The following BYSL variants were observed in gnomAD, a reference collection of about 807,000 sequenced individuals.
BYSL encodes the protein bystin like.
Under a neutral mutation model 45.4 loss-of-function variants are expected in BYSL, and 21 were observed. The ratio of observed to expected loss-of-function variants is 0.46; its 90% CI spans 0.33 to 0.67. BYSL has a LOEUF of 0.67. BYSL is among the 30% of genes least tolerant of loss of function. The pLI, the probability that BYSL is intolerant of heterozygous loss-of-function variation, is 0.02. For missense variants in BYSL, 522 were observed against 578.5 expected (o/e 0.90, Z 1.00); for synonymous variants, 215 against 231.3 (o/e 0.93, Z 0.64).
At chr6:41,927,257 A>G in intron 1 of BYSL, 117 bp from the exon 2 acceptor site, 1 of 1,275,866 alleles carries the variant, frequency 7.8e-7, no homozygotes, top group Non-Finnish European at 1.1e-6. Context: ...CACTGCACAT[A>G]CCTGCGTCTA....
At chr6:41,911,908 G>A in the BYSL span, among the ~76,000 whole-genome samples, 6 of 152,116 alleles carry the variant, frequency 3.9e-5, no homozygotes, top group Non-Finnish European at 8.8e-5. Context: ...TCTACTCACT[G>A]TAATTGCATA....
At chr6:41,919,065 C>G (rs1192185045), upstream of BYSL, among the ~76,000 whole-genome samples, 6 of 141,074 alleles carry the variant, frequency 4.3e-5, no homozygotes, top group Admixed American at 7.7e-5. Context: ...GGAGGCGGAG[C>G]TTGCAGTGAG....
the BYSL span, among the ~76,000 whole-genome samples, chr6:41,910,907 G>A: frequency 6.6e-6 from 1 of 151,592 alleles, no homozygotes; most frequent in African/African-American, 2.4e-5. Flanking sequence ...TCAGGAGTTC[G>A]AGACCAGCCT....
chr6:41,920,362 G>A (rs1203757965), upstream of BYSL, among the ~76,000 whole-genome samples: 1 of 152,074 alleles, frequency 6.6e-6, no homozygotes, highest in Non-Finnish European at 1.5e-5. Context: ...GGAAGAGCAG[G>A]CGAAAATCTT....
chr6:41,910,445 A>G, the BYSL span, among the ~76,000 whole-genome samples: 1 of 151,698 alleles, frequency 6.6e-6, no homozygotes, highest in Non-Finnish European at 1.5e-5. Context: ...CGGCCTGATC[A>G]ACATGGTGAA....
At chr6:41,912,760 G>A in the BYSL span, among the ~76,000 whole-genome samples, 1 of 152,138 alleles carries the variant, frequency 6.6e-6, no homozygotes, top group Non-Finnish European at 1.5e-5. Context: ...TGAGGAAAAT[G>A]AAGCCAATTG....
intron 2 of BYSL, among the ~76,000 whole-genome samples, 163 bp from the exon 3 acceptor site, chr6:41,929,969 G>A (rs1368269533): frequency 6.6e-6 from 1 of 152,232 alleles, no homozygotes; most frequent in Non-Finnish European, 1.5e-5. Context: ...TCTGTCTGTG[G>A]TGGATGAATG....
intron 1 of BYSL, among the ~76,000 whole-genome samples, chr6:41,923,136 T>C (rs1775513875): frequency 1.8e-5 from 1 of 55,284 alleles, no homozygotes; most frequent in African/African-American, 2.1e-4. Flanking sequence ...CCGTTTTTTC[T>C]TTTTTTCTTT....
intron 3 of BYSL, 139 bp downstream of exon 3, chr6:41,930,409 G>T: frequency 7.6e-7 from 1 of 1,311,332 alleles, no homozygotes; most frequent in Non-Finnish European, 1.0e-6. Context: ...GGCAGAGTGT[G>T]TGGGTTCAGA....
upstream of BYSL, chr6:41,916,701 G>A: frequency 1.3e-6 from 2 of 1,528,638 alleles, no homozygotes; most frequent in Middle Eastern, 1.7e-4. Flanking sequence ...ACCTTTAGCA[G>A]AAAAGCAGAA....
At position 41,932,788 on chromosome 6, in the gene BYSL, T is replaced by C; in HGVS notation, c.*82T>C. On this transcript the variant is annotated 3_prime_UTR_variant, in exon 7 of 7. Transcript: ENST00000230340. The surrounding 1 kb of genome is among the most constrained non-coding windows in gnomAD (Gnocchi z 4.7). ...TGGTGACTGAAGATGACACTGAGCTTTAATGGCTGAAGACCCAGATCAGGG... is the reference window on the plus strand; with the variant it reads ...TGGTGACTGAAGATGACACTGAGCTCTAATGGCTGAAGACCCAGATCAGGG... 1 of 1,408,508 alleles carries C rather than the reference T, an allele frequency of 7.1e-7. No individual in the cohort carries two copies. The highest frequency in any genetic ancestry group is 9.6e-7 in the Non-Finnish European group (1 of 1,038,218). The allele number at this position is 1,408,508 out of a possible 1,614,324, so 87.3% of individuals were successfully genotyped here.
At chr6:41,924,330 C>G (rs1422604441) in intron 1 of BYSL, among the ~76,000 whole-genome samples, 1 of 152,126 alleles carries the variant, frequency 6.6e-6, no homozygotes, top group South Asian at 2.1e-4. Flanking sequence ...CTCGGCCTCC[C>G]GAAGTGCTGG....
At chr6:41,929,642 T>C (rs1226594556) in intron 2 of BYSL, among the ~76,000 whole-genome samples, 1 of 152,250 alleles carries the variant, frequency 6.6e-6, no homozygotes, top group African/African-American at 2.4e-5. Context: ...GAAAAGAATA[T>C]AATCAGTCTT....
the BYSL span, among the ~76,000 whole-genome samples, chr6:41,914,838 C>A: frequency 1.3e-5 from 2 of 152,090 alleles, no homozygotes; most frequent in African/African-American, 2.4e-5. Context: ...GAGGTCAAGG[C>A]CAATGGTTAG....
the BYSL span, chr6:41,912,982 C>T: frequency 6.6e-6 from 1 of 151,932 alleles, no homozygotes; most frequent in Admixed American, 6.6e-5. Flanking sequence ...TAGTGGCACG[C>T]ACCTGTGGCC....
At chr6:41,911,992 G>A in the BYSL span, among the ~76,000 whole-genome samples, 1 of 152,042 alleles carries the variant, frequency 6.6e-6, no homozygotes, top group East Asian at 1.9e-4. Flanking sequence ...AGGGGTGTGT[G>A]TGTGCGCTTA....
In BYSL at chr6:41,921,601, G is replaced by A; in HGVS notation, c.39G>A (p.Gln13=). ...AGGCGGCCCGTGGGGTGGGGGGTCAGGAAAAACATGCGCCCCTGGCCGATC... is the reference window on the plus strand; with the variant it reads ...AGGCGGCCCGTGGGGTGGGGGGTCAAGAAAAACATGCGCCCCTGGCCGATC... ...KFKAARGVGG[Q]EKHAPLADQI... The change falls in exon 1 of 7, where the codon CAG becomes CAA. Residue 13 remains glutamine, a synonymous_variant. Coordinates refer to ENST00000230340, the MANE Select transcript of BYSL (RefSeq NM_004053.4). 6.2e-7 allele frequency: 1 copy of A among 1,600,070 alleles called. No homozygotes were observed. Among genetic ancestry groups the A allele is most frequent in the South Asian group, 1.1e-5 (1 of 90,342 alleles).
the BYSL span, among the ~76,000 whole-genome samples, chr6:41,910,981 C>T: frequency 1.3e-5 from 2 of 151,438 alleles, no homozygotes; most frequent in African/African-American, 2.4e-5. Context: ...TGGTGGCATG[C>T]GCCTGTAATC....
chr6:41,921,512 C>T lies in BYSL; in HGVS notation c.-51C>T. On this transcript the variant is annotated 5_prime_UTR_variant, in exon 1 of 7. Transcript: ENST00000230340. ...AGTCCACCGCGCAAGCGCATCCTGG[C>T]CTTTCTTCAGTCCCCACGTGCGATC... 3 of 1,519,688 alleles carry T rather than the reference C, an allele frequency of 2.0e-6. No homozygotes were observed. Among genetic ancestry groups the T allele is most frequent in the African/African-American group, 1.4e-5 (1 of 71,890 alleles). 94.1% of individuals were successfully genotyped at this position (1,519,688 alleles called of 1,614,324 possible).
Sources: allele counts gnomAD v4.1 joint callset (sites outside exome capture counted in the v4.1 genomes callset), GRCh38; gene constraint gnomAD v4.1.1; non-coding constraint Gnocchi (gnomAD v3.1); transcripts MANE v1.5; gene names NCBI Gene and HGNC (gene_info 2026-07-23, HGNC 2026-07-21).